The following DST variants were observed in gnomAD, a reference collection of about 807,000 sequenced individuals.
DST encodes the protein bullous pemphigoid antigen.
Under a neutral mutation model 875.2 loss-of-function variants are expected in DST, and 253 were observed. That is an observed-to-expected ratio of 0.29 (90% CI 0.26 to 0.32). The LOEUF is 0.32. Ranked by LOEUF, DST falls within the 10% of genes least tolerant of loss-of-function variation. The pLI is 1.00. For synonymous variants in DST, 3,124 were observed against 3,197.1 expected (o/e 0.98, Z 0.77); for missense variants, 8,287 against 9,111.6 (o/e 0.91, Z 3.68).
rs779969687 is a variant in DST, at chr6:56,618,657, C to T, written c.4930-4173G>A. On this transcript the variant is annotated intron_variant, in intron 36 of 103. Transcript: ENST00000680361. The stretch of plus-strand genomic sequence containing the variant: ...TTAATGTTTGTTTCACAAAGCTTAG[C>T]ATTTTCTTGGGCTCTAGAGTTTTCT... 7.1e-5 allele frequency: 115 copies of T among 1,613,950 alleles called. No homozygotes were observed. Among genetic ancestry groups the T allele is most frequent in the Non-Finnish European group, 8.7e-5 (103 of 1,180,026 alleles).
At chr6:56,949,816 T>C (rs1049357295) in intron 2 of DST, among the ~76,000 whole-genome samples, 2 of 152,206 alleles carry the variant, frequency 1.3e-5, no homozygotes, top group African/African-American at 4.8e-5. Flanking sequence ...CTAAATTAGG[T>C]AATTCTTAAT....
At chr6:56,798,612 C>A (rs1385601760) in intron 4 of DST, among the ~76,000 whole-genome samples, 2 of 152,168 alleles carry the variant, frequency 1.3e-5, no homozygotes, top group Non-Finnish European at 2.9e-5. Context: ...AACATCCGTT[C>A]TGTAGCCCAT....
intron 2 of DST, among the ~76,000 whole-genome samples, chr6:56,937,408 A>G (rs140146598): frequency 2.9e-4 from 44 of 152,364 alleles, no homozygotes; most frequent in African/African-American, 1.0e-3. Flanking sequence ...AAGCATGTGA[A>G]AAGATGCTCA....
In DST at chr6:56,572,828, T is replaced by C. The variant is rs2097797324; in HGVS notation, c.13473A>G (p.Thr4491=). Residue 4491 remains threonine, a synonymous_variant, in exon 52 of 104, where the codon ACA becomes ACG. Transcript: ENST00000680361. ...LFENLSEKLQ[T]FLETKTQALT... ...GAGCCTGAGTTTTTGTTTCTAAAAA[T>C]GTCTGGAGCTTTTCTGAGAGGTTCT... 2 of 1,611,052 alleles carry C rather than the reference T, an allele frequency of 1.2e-6. No homozygotes were observed. Among genetic ancestry groups the C allele is most frequent in the South Asian group, 1.1e-5 (1 of 90,258 alleles).
Position 56,803,211 on chromosome 6 carries a change from T to C in DST, c.625+48186A>G, listed in dbSNP as rs184233791. 6.3e-3 allele frequency among the ~76,000 whole-genome samples: 956 copies of C among 152,308 alleles called. 14 individuals carry two copies. Among genetic ancestry groups the C allele is most frequent in the Non-Finnish European group, 7.5e-3 (512 of 68,026 alleles). On this transcript the variant is annotated intron_variant, in intron 4 of 103. Transcript: ENST00000680361. ...GTAAAACCCTGTGCTCCTAAAATAC[T>C]ACAGCGTACCTACCATTAACTGTAG...
chr6:56,618,208 T>C (rs2098648322), intron 36 of DST: 3 of 1,614,066 alleles, frequency 1.9e-6, no homozygotes, highest in Admixed American at 1.7e-5. Flanking sequence ...GTGGAGCCCC[T>C]GGTGGCTGGA....
At chr6:56,813,422 C>T (rs564976096) in intron 4 of DST, among the ~76,000 whole-genome samples, 3 of 151,836 alleles carry the variant, frequency 2.0e-5, no homozygotes, top group South Asian at 2.1e-4. Flanking sequence ...TGTCCACTTA[C>T]GAAGCAAATA....
At chr6:56,656,127 T>C (rs2152805455) in intron 10 of DST, among the ~76,000 whole-genome samples, 1 of 152,380 alleles carries the variant, frequency 6.6e-6, no homozygotes, top group East Asian at 1.9e-4. Flanking sequence ...AAAACCACCA[T>C]CTATGGCTTC....
intron 5 of DST, among the ~76,000 whole-genome samples, chr6:56,719,881 A>C: frequency 6.6e-6 from 1 of 152,180 alleles, no homozygotes; most frequent in Non-Finnish European, 1.5e-5. Flanking sequence ...AAGATCACGT[A>C]CTTCACAAGG....
intron 4 of DST, among the ~76,000 whole-genome samples, chr6:56,839,179 C>G (rs1310576910): frequency 6.6e-6 from 1 of 152,176 alleles, no homozygotes; most frequent in African/African-American, 2.4e-5. Flanking sequence ...ATCTTGTGAT[C>G]ACAAAACAAC....
At chr6:56,908,629 T>A (rs1371466375) in intron 2 of DST, among the ~76,000 whole-genome samples, 3 of 152,168 alleles carry the variant, frequency 2.0e-5, no homozygotes, top group Admixed American at 6.5e-5. Context: ...CTAGGTAAAA[T>A]GAGGCTGAGA....
At chr6:56,780,057 A>T (rs2099689493) in intron 4 of DST, among the ~76,000 whole-genome samples, 1 of 151,688 alleles carries the variant, frequency 6.6e-6, no homozygotes, top group Admixed American at 6.6e-5. Context: ...ACATGAACTC[A>T]TCATTTTTTA....
chr6:56,585,733 G>A (rs1333847019), intron 49 of DST, among the ~76,000 whole-genome samples: 1 of 151,080 alleles, frequency 6.6e-6, no homozygotes, highest in Admixed American at 6.6e-5. Flanking sequence ...TGGGCATTTA[G>A]TGCTATAAAT....
At chr6:56,825,195 T>C (rs909157213) in intron 4 of DST, among the ~76,000 whole-genome samples, 2 of 149,768 alleles carry the variant, frequency 1.3e-5, no homozygotes, top group African/African-American at 4.9e-5. Context: ...ATCTGTGACC[T>C]TACCCCCAAC....
chr6:56,717,500 A>G (rs1419600695), intron 5 of DST, among the ~76,000 whole-genome samples: 3 of 152,180 alleles, frequency 2.0e-5, no homozygotes, highest in African/African-American at 7.2e-5. Context: ...GGATGAGAGG[A>G]GTCTAAATTC....
rs2097913742 is a variant in DST, at chr6:56,578,740, T to G, written c.13027+74A>C. On this transcript the variant is annotated intron_variant, in intron 50 of 103. Transcript: ENST00000680361. ...CACAATCTATAACTAGTGAACATTT[T>G]TCTCCATATCTATTAGGACACCTTT... 2.0e-6 allele frequency: 3 copies of G among 1,493,834 alleles called. No individual in the cohort carries two copies. In the Admixed American group the frequency reaches 5.6e-5, roughly 28 times the overall value. 92.5% of individuals were successfully genotyped at this position (1,493,834 alleles called of 1,614,324 possible).
At chr6:56,768,407 T>C (rs1203650379) in intron 4 of DST, among the ~76,000 whole-genome samples, 1 of 152,184 alleles carries the variant, frequency 6.6e-6, no homozygotes, top group Admixed American at 6.5e-5. Context: ...AGTAAAGTGA[T>C]CTTTGACAAA....
chr6:56,915,956 T>C (rs1388436464), intron 2 of DST, among the ~76,000 whole-genome samples: 1 of 152,220 alleles, frequency 6.6e-6, no homozygotes, highest in African/African-American at 2.4e-5. Flanking sequence ...CTTTGAGAAT[T>C]TCCTGCATTG....
At chr6:56,614,860 AATAGAGAACGTCTACTGT>A in intron 36 of DST, 2 of 993,900 alleles carry the variant, frequency 2.0e-6, no homozygotes. Context: ...AGGCTGATAG[AATAGAGAACGTCTACTGT>A]ACATGTAAGG....
Sources: allele counts gnomAD v4.1 joint callset (sites outside exome capture counted in the v4.1 genomes callset), GRCh38; gene constraint gnomAD v4.1.1; transcripts MANE v1.5; gene names NCBI Gene and HGNC (gene_info 2026-07-23, HGNC 2026-07-21).